Variants in ST8SIA6 observed in about 807,000 individuals in gnomAD.
ST8SIA6 encodes ST8 alpha-N-acetyl-neuraminide alpha-2,8-sialyltransferase 6.
In ST8SIA6, 39 loss-of-function variants were observed where a neutral mutation model predicts 33.6. The ratio of observed to expected loss-of-function variants is 1.16; its 90% CI spans 0.90 to 1.52. ST8SIA6 has a LOEUF of 1.52. Ranked by LOEUF, ST8SIA6 falls within the 40% of genes most tolerant of loss-of-function variation. ST8SIA6 has a pLI of 0.00. For missense variants in ST8SIA6, 441 were observed against 443.8 expected (o/e 0.99, Z 0.06); for synonymous variants, 172 against 167.2 (o/e 1.03, Z -0.22).
intron 7 of ST8SIA6, 38 bp from the exon 8 acceptor site, chr10:17,321,384 T>C (rs1440510649): frequency 1.3e-6 from 2 of 1,505,404 alleles, no homozygotes; most frequent in East Asian, 4.6e-5. Flanking sequence ...ATCCCAAGAA[T>C]AATAATCAAA....
chr10:17,424,748 T>TATGATG (rs1456913491), intron 2 of ST8SIA6, among the ~76,000 whole-genome samples: 1 of 151,968 alleles, frequency 6.6e-6, no homozygotes, highest in African/African-American at 2.4e-5. Context: ...ATTTTTTTTT[T>TATGATG]TTTTTTTGAA....
Position 17,320,842 on chromosome 10 carries a change from T to C in ST8SIA6, c.*36A>G. On this transcript the variant is annotated 3_prime_UTR_variant, in exon 8 of 8. Coordinates refer to ENST00000377602, the MANE Select transcript of ST8SIA6 (RefSeq NM_001004470.3). Reference sequence around the variant, plus strand: ...GAGACATTGTTAATCACCTACTGCATTATATTAAAATTATTCCCATTTTAA... The same window carrying C: ...GAGACATTGTTAATCACCTACTGCACTATATTAAAATTATTCCCATTTTAA... The C allele has an allele frequency of 3.8e-6, 6 of 1,590,854 alleles. No individual in the cohort carries two copies. Among genetic ancestry groups the C allele is most frequent in the Non-Finnish European group, 5.2e-6 (6 of 1,160,698 alleles).
chr10:17,400,629 G>A (rs1283645879), intron 2 of ST8SIA6, among the ~76,000 whole-genome samples: 4 of 152,086 alleles, frequency 2.6e-5, no homozygotes, highest in Non-Finnish European at 5.9e-5. Flanking sequence ...TTCAACATAC[G>A]CAAATCACTA....
intron 4 of ST8SIA6, among the ~76,000 whole-genome samples, chr10:17,347,953 CA>C (rs55996465): frequency 0.052 from 3,548 of 68,564 alleles, 54 homozygotes; most frequent in African/African-American, 0.14. Flanking sequence ...GACTCTGTCT[CA>C]AAAAAAAAAA....
intron 3 of ST8SIA6, among the ~76,000 whole-genome samples, chr10:17,372,907 C>G (rs534199487): frequency 1.1e-4 from 16 of 152,176 alleles, no homozygotes; most frequent in South Asian, 6.2e-4. Flanking sequence ...TGTATAAATA[C>G]CAGGAAGAGA....
intron 2 of ST8SIA6, among the ~76,000 whole-genome samples, chr10:17,432,743 C>T (rs1440684419): frequency 6.6e-6 from 1 of 152,170 alleles, no homozygotes; most frequent in East Asian, 1.9e-4. Flanking sequence ...TGTGGACGAA[C>T]TGTAACCTAG....
At chr10:17,366,375 T>G (rs1240815037) in intron 3 of ST8SIA6, among the ~76,000 whole-genome samples, 2 of 152,128 alleles carry the variant, frequency 1.3e-5, no homozygotes, top group African/African-American at 2.4e-5. Flanking sequence ...GCCAATGTAC[T>G]TCTTCACAGC....
chr10:17,337,888 A>C (rs957610499), intron 4 of ST8SIA6, among the ~76,000 whole-genome samples: 1 of 152,200 alleles, frequency 6.6e-6, no homozygotes, highest in Non-Finnish European at 1.5e-5. Flanking sequence ...TCAGTTGTCT[A>C]TAATGCAAGG....
At chr10:17,434,137 T>C (rs1350525467) in intron 2 of ST8SIA6, among the ~76,000 whole-genome samples, 1 of 152,138 alleles carries the variant, frequency 6.6e-6, no homozygotes, top group African/African-American at 2.4e-5. Flanking sequence ...GAATGGTCAT[T>C]ACACATGCTG....
At chr10:17,360,253 A>T (rs10508524) in intron 3 of ST8SIA6, among the ~76,000 whole-genome samples, 1 of 152,008 alleles carries the variant, frequency 6.6e-6, no homozygotes, top group Non-Finnish European at 1.5e-5. Flanking sequence ...TTGAAATGCA[A>T]GTATCCCTTT....
rs1847751033 is a variant in ST8SIA6, at chr10:17,315,703, T to C, written c.*5175A>G. 6.6e-6 allele frequency among the ~76,000 whole-genome samples: 1 copy of C among 151,962 alleles called. No homozygotes were observed. Among genetic ancestry groups the C allele is most frequent in the Non-Finnish European group, 1.5e-5 (1 of 67,896 alleles). On this transcript the variant is annotated 3_prime_UTR_variant, in exon 8 of 8. Transcript: ENST00000377602. ...TATAGTGTAAAAATGTAAATGTCTA[T>C]AGAAAAACAGATTAGGAATTTTCTG...
At chr10:17,447,257 T>C (rs1852746959) in intron 2 of ST8SIA6, among the ~76,000 whole-genome samples, 3 of 151,134 alleles carry the variant, frequency 2.0e-5, no homozygotes, top group Non-Finnish European at 4.4e-5. Flanking sequence ...TTTATAAAAA[T>C]TAGCTAGGTG....
intron 3 of ST8SIA6, among the ~76,000 whole-genome samples, chr10:17,377,406 T>G (rs1210686826): frequency 6.6e-6 from 1 of 152,216 alleles, no homozygotes; most frequent in Admixed American, 6.5e-5. Flanking sequence ...CTAACAGAGA[T>G]GGTATAAAAA....
In ST8SIA6 at chr10:17,320,687, A is replaced by T. The variant is rs1323710959; in HGVS notation, c.*191T>A. 2.0e-5 allele frequency: 12 copies of T among 601,504 alleles called. No homozygotes were observed. The highest frequency in any genetic ancestry group is 3.7e-5 in the African/African-American group (2 of 53,780). The allele number at this position is 601,504 out of a possible 1,614,324, so 37.3% of individuals were successfully genotyped here. A position where few individuals can be genotyped will look rare whatever the true frequency, so the allele number is the denominator to read the frequency against. On this transcript the variant is annotated 3_prime_UTR_variant, in exon 8 of 8. Transcript: ENST00000377602. ...GAGTCAGATATGGTGTCCATGTTAT[A>T]AGGAGAAAAAATGAAGATGAGAAGG...
chr10:17,324,886 A>C (rs1848073766), intron 6 of ST8SIA6, among the ~76,000 whole-genome samples: 1 of 146,490 alleles, frequency 6.8e-6, no homozygotes, highest in African/African-American at 2.5e-5. Flanking sequence ...TAATATATGT[A>C]TATTATATAT....
At position 17,454,537 on chromosome 10, in the gene ST8SIA6, T is replaced by C. The variant is rs996058901; in HGVS notation, c.-282A>G. ...ATGACGATTCGCCGAGCTCGCCGCC[T>C]GTCCTCCCGGAGGCGCTCGGAGCTG... On this transcript the variant is annotated 5_prime_UTR_variant, in exon 1 of 8. Coordinates refer to ENST00000377602, the MANE Select transcript of ST8SIA6 (RefSeq NM_001004470.3). The surrounding 1 kb of genome is among the most constrained non-coding windows in gnomAD (Gnocchi z 4.1). Among the ~76,000 whole-genome samples, 10 of 151,960 alleles carry C rather than the reference T, an allele frequency of 6.6e-5. No individual in the cohort carries two copies. Among genetic ancestry groups the C allele is most frequent in the Non-Finnish European group, 1.3e-4 (9 of 67,876 alleles).
chr10:17,412,467 G>C (rs1397485398), intron 2 of ST8SIA6, among the ~76,000 whole-genome samples: 1 of 152,160 alleles, frequency 6.6e-6, no homozygotes, highest in Non-Finnish European at 1.5e-5. Context: ...TTAAGTGTCT[G>C]GCACTAGGCA....
intron 1 of ST8SIA6, 55 bp from the exon 2 acceptor site, chr10:17,453,712 T>C: frequency 8.1e-7 from 1 of 1,230,370 alleles, no homozygotes; most frequent in East Asian, 3.1e-5. Flanking sequence ...AGCTGTTGGC[T>C]GAAAGGCTGG....
At chr10:17,382,599 G>T (rs1850192407) in intron 3 of ST8SIA6, among the ~76,000 whole-genome samples, 1 of 152,150 alleles carries the variant, frequency 6.6e-6, no homozygotes, top group Non-Finnish European at 1.5e-5. Flanking sequence ...TGTTAACATT[G>T]AGTTACAGGG....
Sources: gnomAD v4.1 joint callset for allele counts (sites outside exome capture counted in the v4.1 genomes callset) on GRCh38, gnomAD v4.1.1 for gene constraint, Gnocchi (gnomAD v3.1) non-coding constraint, MANE v1.5 for transcripts, NCBI Gene and HGNC (gene_info 2026-07-23, HGNC 2026-07-21) for gene names.